GRIA4: variants seen among roughly 807,000 people sequenced by gnomAD.
The protein encoded by GRIA4 is glutamate receptor 4.
GRIA4 carries 34 observed loss-of-function variants against 104.0 expected under a neutral mutation model. The ratio of observed to expected loss-of-function variants is 0.33; its 90% CI spans 0.25 to 0.44. The LOEUF (loss-of-function observed/expected upper bound fraction) is 0.44, where lower values mean the gene tolerates loss of function less well. Ranked by LOEUF, GRIA4 falls within the 20% of genes least tolerant of loss-of-function variation. The pLI is 1.00. For missense variants in GRIA4, 750 were observed against 1,096.5 expected (o/e 0.68, Z 4.46); for synonymous variants, 386 against 381.9 (o/e 1.01, Z -0.13).
intron 4 of GRIA4, among the ~76,000 whole-genome samples, chr11:105,787,709 G>A (rs1942035261): frequency 6.6e-6 from 1 of 151,908 alleles, no homozygotes; most frequent in East Asian, 1.9e-4. Context: ...TTCTTGTACA[G>A]AATTCTTTAC....
At chr11:105,856,342 C>G (rs1180860186) in intron 4 of GRIA4, among the ~76,000 whole-genome samples, 1 of 152,142 alleles carries the variant, frequency 6.6e-6, no homozygotes, top group Non-Finnish European at 1.5e-5. Flanking sequence ...CTTGCCTGTT[C>G]ACCTCTCCAG....
intron 4 of GRIA4, among the ~76,000 whole-genome samples, chr11:105,783,682 A>G (rs917858602): frequency 5.3e-5 from 8 of 152,072 alleles, no homozygotes; most frequent in African/African-American, 1.9e-4. Flanking sequence ...TTTATGAACT[A>G]CACTTTTCAA....
intron 10 of GRIA4, among the ~76,000 whole-genome samples, chr11:105,911,615 T>C (rs575878389): frequency 6.0e-4 from 91 of 151,226 alleles, no homozygotes; most frequent in Non-Finnish European, 1.1e-3. Flanking sequence ...TCATATGTTG[T>C]ACTTAGTTTT....
rs80137917 is a variant in GRIA4, at chr11:105,738,945, C to A, written c.248-14036C>A. 3.4e-3 allele frequency among the ~76,000 whole-genome samples: 478 copies of A among 140,054 alleles called. 4 individuals carry two copies. Among genetic ancestry groups the A allele is most frequent in the South Asian group, 0.031 (139 of 4,472 alleles). The allele number at this position is 140,054 out of a possible 152,430, so 91.9% of individuals were successfully genotyped here. On this transcript the variant is annotated intron_variant, in intron 3 of 16. Transcript: ENST00000282499. ...TAAAAAAAAACAAAAAAAAAAAAAA[C>A]AAAAAAAACCCAAAAAAAAACCCAA...
chr11:105,977,950 G>T (rs1438529658), intron 16 of GRIA4, among the ~76,000 whole-genome samples: 1 of 151,978 alleles, frequency 6.6e-6, no homozygotes, highest in African/African-American at 2.4e-5. Context: ...GAATTGAATT[G>T]TTTCATTTCT....
At chr11:105,923,501 TTTAGATCAGCA>T (rs1424135475) in intron 11 of GRIA4, among the ~76,000 whole-genome samples, 3 of 152,132 alleles carry the variant, frequency 2.0e-5, no homozygotes, top group Non-Finnish European at 2.9e-5. Flanking sequence ...ATTCAAAATA[TTTAGATCAGCA>T]TCAGATCAGC....
intron 3 of GRIA4, among the ~76,000 whole-genome samples, chr11:105,624,956 TTTAGACTA>T (rs1437155662): frequency 6.6e-6 from 1 of 152,148 alleles, no homozygotes; most frequent in African/African-American, 2.4e-5. Flanking sequence ...TATATATACT[TTTAGACTA>T]TGCACATTAT....
intron 4 of GRIA4, among the ~76,000 whole-genome samples, chr11:105,803,690 C>T (rs555323995): frequency 1.3e-5 from 2 of 151,792 alleles, no homozygotes; most frequent in South Asian, 2.1e-4. Flanking sequence ...AAGCAACACA[C>T]ATTGTATATC....
At chr11:105,804,804 T>C (rs1291940777) in intron 4 of GRIA4, among the ~76,000 whole-genome samples, 1 of 152,010 alleles carries the variant, frequency 6.6e-6, no homozygotes, top group Non-Finnish European at 1.5e-5. Flanking sequence ...TATTTCTGTA[T>C]GAAAGCCACT....
At chr11:105,695,105 C>T (rs1225445449) in intron 3 of GRIA4, among the ~76,000 whole-genome samples, 4 of 152,194 alleles carry the variant, frequency 2.6e-5, no homozygotes, top group African/African-American at 4.8e-5. Flanking sequence ...GACCCCAATG[C>T]ATCTTTTACA....
At chr11:105,801,655 T>C (rs2042425431) in intron 4 of GRIA4, among the ~76,000 whole-genome samples, 1 of 152,082 alleles carries the variant, frequency 6.6e-6, no homozygotes, top group African/African-American at 2.4e-5. Context: ...TACTACCATT[T>C]ACTGTCTACA....
chr11:105,702,524 G>C (rs1490671526), intron 3 of GRIA4, among the ~76,000 whole-genome samples: 1 of 151,126 alleles, frequency 6.6e-6, no homozygotes, highest in Non-Finnish European at 1.5e-5. Flanking sequence ...GATGGGAAAG[G>C]GCATGAAAAG....
chr11:105,892,042 C>T (rs1263348214), intron 6 of GRIA4, among the ~76,000 whole-genome samples: 2 of 151,992 alleles, frequency 1.3e-5, no homozygotes, highest in Non-Finnish European at 1.5e-5. Context: ...CCCAAGATCT[C>T]GCAGATCTGA....
chr11:105,960,234 C>T (rs757899953), intron 14 of GRIA4, among the ~76,000 whole-genome samples: 1 of 152,228 alleles, frequency 6.6e-6, no homozygotes, highest in Non-Finnish European at 1.5e-5. Context: ...TCTGCTGGTC[C>T]GCAGAGACTG....
At chr11:105,806,998 A>G (rs1257540839) in intron 4 of GRIA4, among the ~76,000 whole-genome samples, 3 of 152,034 alleles carry the variant, frequency 2.0e-5, no homozygotes, top group African/African-American at 7.2e-5. Context: ...TCAGTCCATG[A>G]CACCAAATAG....
intron 3 of GRIA4, among the ~76,000 whole-genome samples, chr11:105,621,347 A>G (rs1307603789): frequency 6.6e-6 from 1 of 151,562 alleles, no homozygotes. Context: ...CTTGGAGCTA[A>G]TCAGACTAAA....
intron 4 of GRIA4, among the ~76,000 whole-genome samples, chr11:105,772,533 T>G (rs918324646): frequency 4.6e-5 from 7 of 152,134 alleles, no homozygotes; most frequent in Non-Finnish European, 1.5e-5. Context: ...ATATAACATA[T>G]AAAATATGTG....
rs894846753 is a variant in GRIA4 at position 105,792,102 on chromosome 11, A to G, written c.487+38882A>G. Among the ~76,000 whole-genome samples, 21 of 152,208 alleles carry G rather than the reference A, an allele frequency of 1.4e-4. 1 individual carries two copies. The highest frequency in any genetic ancestry group is 3.6e-4 in the African/African-American group (15 of 41,466). ...AAAAAAATTTCAAGAATGCCAAAGCATAAAACTATACTTGTTTCTTCTCAT... is the reference window on the plus strand; with the variant it reads ...AAAAAAATTTCAAGAATGCCAAAGCGTAAAACTATACTTGTTTCTTCTCAT... On this transcript the variant is annotated intron_variant, in intron 4 of 16. Transcript: ENST00000282499.
At chr11:105,913,628 A>C (rs1947319982) in intron 10 of GRIA4, 1 of 254,290 alleles carries the variant, frequency 3.9e-6, no homozygotes, top group Non-Finnish European at 6.2e-6. Flanking sequence ...TTTACAGTAG[A>C]TCTTGGGAGA....
Sources: gnomAD v4.1 joint callset for allele counts (sites outside exome capture counted in the v4.1 genomes callset) on GRCh38, gnomAD v4.1.1 for gene constraint, MANE v1.5 for transcripts, NCBI Gene and HGNC (gene_info 2026-07-23, HGNC 2026-07-21) for gene names.